AGPAT3: variants seen among roughly 807,000 people sequenced by gnomAD.
AGPAT3 encodes the protein 1-acyl-sn-glycerol-3-phosphate acyltransferase gamma.
A neutral mutation model predicts 47.3 loss-of-function variants in AGPAT3; 5 were observed. That is an observed-to-expected ratio of 0.11 (90% CI 0.06 to 0.22). The LOEUF is 0.22. Among genes scored for constraint, AGPAT3 ranks in the 10% least tolerant of loss-of-function variants. The probability of loss-of-function intolerance (pLI) is 1.00; values close to 1 mark genes in which losing one functional copy is unlikely to be tolerated. For synonymous variants in AGPAT3, 212 were observed against 208.3 expected (o/e 1.02, Z -0.15); for missense variants, 315 against 493.0 (o/e 0.64, Z 3.42).
intron 2 of AGPAT3, among the ~76,000 whole-genome samples, chr21:43,943,679 G>A (rs1373448752): frequency 3.9e-5 from 6 of 152,198 alleles, no homozygotes; most frequent in Admixed American, 3.3e-4. Context: ...CAGCCGCCAC[G>A]GCCTGTGTCA....
chr21:43,945,406 T>A (rs2087841606), intron 2 of AGPAT3, among the ~76,000 whole-genome samples: 1 of 152,232 alleles, frequency 6.6e-6, no homozygotes, highest in African/African-American at 2.4e-5. Context: ...TCATTTCACT[T>A]CACGTTTTAT....
chr21:43,969,397 T>C, intron 5 of AGPAT3, 118 bp downstream of exon 5: 1 of 1,342,918 alleles, frequency 7.4e-7, no homozygotes, highest in Middle Eastern at 2.6e-4. Context: ...GCACATGGGG[T>C]GCTGTTTCCA....
At chr21:43,949,544 T>C (rs2088081272) in intron 2 of AGPAT3, among the ~76,000 whole-genome samples, 1 of 152,244 alleles carries the variant, frequency 6.6e-6, no homozygotes, top group South Asian at 2.1e-4. Flanking sequence ...CCCACCACAT[T>C]CTATTGATAG....
At chr21:43,948,440 G>A (rs2088016017) in intron 2 of AGPAT3, 1 of 152,190 alleles carries the variant, frequency 6.6e-6, no homozygotes, top group African/African-American at 2.4e-5. Flanking sequence ...CCCATCCCTG[G>A]ATCACTTGCT....
chr21:43,942,223 G>A (rs2087681752), intron 2 of AGPAT3, among the ~76,000 whole-genome samples: 1 of 152,224 alleles, frequency 6.6e-6, no homozygotes, highest in South Asian at 2.1e-4. Context: ...GAGGGCCACA[G>A]AGGCGGCTTG....
chr21:43,980,348 T>C (rs1045884477), intron 8 of AGPAT3, among the ~76,000 whole-genome samples: 1 of 146,818 alleles, frequency 6.8e-6, no homozygotes, highest in Admixed American at 6.8e-5. Context: ...CATCCTAGAG[T>C]CCCACGGGCT....
Position 43,955,313 on chromosome 21 carries a change from A to G in AGPAT3, c.-48-4321A>G, listed in dbSNP as rs1203093573. 12 of 1,079,554 alleles carry G rather than the reference A, an allele frequency of 1.1e-5. No homozygotes were observed. The highest frequency in any genetic ancestry group is 1.4e-5 in the Non-Finnish European group (12 of 855,788). 66.9% of individuals were successfully genotyped at this position (1,079,554 alleles called of 1,614,324 possible). ...TGGGTGGGGAAGGACTTGGATGGAA[A>G]TGTTCCCTGTTGCAGTGTGGTGGGG... On this transcript the variant is annotated intron_variant, in intron 2 of 9. Coordinates refer to ENST00000291572, the MANE Select transcript of AGPAT3 (RefSeq NM_020132.5). The surrounding 1 kb of genome is among the most constrained non-coding windows in gnomAD (Gnocchi z 4.1).
At chr21:43,911,039 G>A (rs1287231989) in intron 2 of AGPAT3, among the ~76,000 whole-genome samples, 3 of 152,144 alleles carry the variant, frequency 2.0e-5, no homozygotes, top group Admixed American at 6.5e-5. Context: ...CACTGTAAGC[G>A]GTTTGTGGTT....
intron 2 of AGPAT3, among the ~76,000 whole-genome samples, chr21:43,958,242 G>A (rs1373601951): frequency 6.6e-6 from 1 of 152,140 alleles, no homozygotes; most frequent in Non-Finnish European, 1.5e-5. Flanking sequence ...GAGTGTGTGT[G>A]TGTGAGTGTG....
At chr21:43,887,706 G>A (rs185887664) in intron 1 of AGPAT3, among the ~76,000 whole-genome samples, 4 of 152,364 alleles carry the variant, frequency 2.6e-5, no homozygotes, top group Non-Finnish European at 5.9e-5. Flanking sequence ...GCAGGCTGGA[G>A]TGTAGTGGCG....
chr21:43,868,055 A>T (rs1481548536), intron 1 of AGPAT3, among the ~76,000 whole-genome samples: 3 of 152,212 alleles, frequency 2.0e-5, no homozygotes, highest in African/African-American at 7.2e-5. Context: ...ACAGGCTTTC[A>T]TGTAGTCATT....
intron 5 of AGPAT3, among the ~76,000 whole-genome samples, chr21:43,969,569 G>T (rs190075158): frequency 1.3e-5 from 2 of 152,338 alleles, no homozygotes; most frequent in East Asian, 3.9e-4. Context: ...GGCTCTGCCC[G>T]CCCTGCTCAG....
At position 43,952,895 on chromosome 21, in the gene AGPAT3, G is replaced by A. The variant is rs534742614; in HGVS notation, c.-48-6739G>A. Among the ~76,000 whole-genome samples, 24 of 152,216 alleles carry A rather than the reference G, an allele frequency of 1.6e-4. No homozygotes were observed. The East Asian group carries it at 4.6e-3, about 29-fold the overall frequency. ...CACCCTGTGTGGCTCTTCTATCCCA[G>A]GCGTTCTCCAAGGTCCCCAGGGTGC... On this transcript the variant is annotated intron_variant, in intron 2 of 9. Coordinates refer to ENST00000291572, the MANE Select transcript of AGPAT3 (RefSeq NM_020132.5). This position sits in a 1 kb window ranked among gnomAD's most constrained non-coding sequence, Gnocchi z 5.6.
chr21:43,930,848 C>T lies in AGPAT3; in HGVS notation c.-49+26829C>T, dbSNP rs983726505. Among the ~76,000 whole-genome samples, 6 of 152,158 alleles carry T rather than the reference C, an allele frequency of 3.9e-5. No individual in the cohort carries two copies. The highest frequency in any genetic ancestry group is 9.7e-5 in the African/African-American group (4 of 41,432). On this transcript the variant is annotated intron_variant, in intron 2 of 9. Coordinates refer to ENST00000291572, the MANE Select transcript of AGPAT3 (RefSeq NM_020132.5). This position sits in a 1 kb window ranked among gnomAD's most constrained non-coding sequence, Gnocchi z 5.0. The stretch of plus-strand genomic sequence containing the variant: ...CGGTCCTCAAGCTGCTGGTGACAAA[C>T]GCAAGGGGCCTGCTGCCCTGTCCCC...
At chr21:43,973,035 A>G (rs781609828) in intron 7 of AGPAT3, among the ~76,000 whole-genome samples, 1 of 152,242 alleles carries the variant, frequency 6.6e-6, no homozygotes, top group African/African-American at 2.4e-5. Context: ...GCATGTACAA[A>G]TTAAACGAAG....
In AGPAT3 at chr21:43,898,486, C is replaced by T. The variant is rs534819821; in HGVS notation, c.-111-5471C>T. Among the ~76,000 whole-genome samples the T allele has an allele frequency of 1.4e-4, 22 of 152,324 alleles. No individual in the cohort carries two copies. The South Asian group carries it at 4.6e-3, about 32-fold the overall frequency. On this transcript the variant is annotated intron_variant, in intron 1 of 9. Coordinates refer to ENST00000291572, the MANE Select transcript of AGPAT3 (RefSeq NM_020132.5). ...ATCCAAGGACCTGCAAGCATCCTTA[C>T]CTTCGTTAATGCCCCTTACAACTAA...
intron 2 of AGPAT3, among the ~76,000 whole-genome samples, chr21:43,929,995 C>A (rs1222960007): frequency 6.6e-6 from 1 of 152,210 alleles, no homozygotes; most frequent in Non-Finnish European, 1.5e-5. Flanking sequence ...ACAGCCCAGG[C>A]GTGCCGGAGA....
At chr21:43,963,753 C>T (rs1173896471) in intron 3 of AGPAT3, among the ~76,000 whole-genome samples, 3 of 151,146 alleles carry the variant, frequency 2.0e-5, no homozygotes, top group Admixed American at 6.6e-5. Flanking sequence ...TTCGAATCCC[C>T]GGAGAGGAAA....
intron 2 of AGPAT3, among the ~76,000 whole-genome samples, chr21:43,953,407 G>A (rs1027245741): frequency 7.2e-5 from 11 of 152,368 alleles, no homozygotes; most frequent in Admixed American, 7.2e-4. Flanking sequence ...GATGTGGACG[G>A]ACATGGAGGG....
Sources: gnomAD v4.1 joint callset for allele counts (sites outside exome capture counted in the v4.1 genomes callset) on GRCh38, gnomAD v4.1.1 for gene constraint, Gnocchi (gnomAD v3.1) non-coding constraint, MANE v1.5 for transcripts, NCBI Gene and HGNC (gene_info 2026-07-23, HGNC 2026-07-21) for gene names.